Variants in TIAM1 observed in about 807,000 individuals in gnomAD.
TIAM1 encodes TIAM Rac1 associated GEF 1, also known as rho guanine nucleotide exchange factor TIAM1.
In TIAM1, 65 loss-of-function variants were observed where a neutral mutation model predicts 163.5. The ratio of observed to expected loss-of-function variants is 0.40; its 90% CI spans 0.33 to 0.49. TIAM1 has a LOEUF of 0.49. Ranked by LOEUF, TIAM1 falls within the 20% of genes least tolerant of loss-of-function variation. The probability of loss-of-function intolerance (pLI) is 0.77; values close to 1 mark genes in which losing one functional copy is unlikely to be tolerated. For missense variants in TIAM1, 1,789 were observed against 2,044.7 expected, an observed-to-expected ratio of 0.87 and a Z score of 2.41; for synonymous variants, 833 against 810.1, an observed-to-expected ratio of 1.03 and a Z score of -0.48.
chr21:31,147,348 T>C (rs767491341), intron 19 of TIAM1, among the ~76,000 whole-genome samples: 3 of 152,108 alleles, frequency 2.0e-5, no homozygotes, highest in Non-Finnish European at 4.4e-5. Flanking sequence ...AATTCTCTCA[T>C]TAGCTCCTGT....
At chr21:31,322,722 C>G (rs1422195606) in intron 2 of TIAM1, among the ~76,000 whole-genome samples, 1 of 152,246 alleles carries the variant, frequency 6.6e-6, no homozygotes, top group African/African-American at 2.4e-5. Context: ...CCCGAAACAG[C>G]TAACCCACAG....
At chr21:31,426,060 G>A (rs996449733) in intron 2 of TIAM1, among the ~76,000 whole-genome samples, 4 of 151,922 alleles carry the variant, frequency 2.6e-5, no homozygotes, top group East Asian at 1.9e-4. Flanking sequence ...GGGATCAGGC[G>A]GTTTTTGGTT....
Position 31,197,539 on chromosome 21 carries a change from C to CTTTTTTTTT in TIAM1, c.2494-2243_2494-2235dup, listed in dbSNP as rs58141765. Among the ~76,000 whole-genome samples the CTTTTTTTTT allele has an allele frequency of 5.1e-4, 63 of 123,238 alleles. 1 individual carries two copies. Among genetic ancestry groups the CTTTTTTTTT allele is most frequent in the Middle Eastern group, 4.2e-3 (1 of 240 alleles). The allele number at this position is 123,238 out of a possible 152,430, so 80.8% of individuals were successfully genotyped here. A position where few individuals can be genotyped will look rare whatever the true frequency, so the allele number is the denominator to read the frequency against. The stretch of plus-strand genomic sequence containing the variant: ...TACAGGCGCCCGCCACCGCGCCCGG[C>CTTTTTTTTT]TTTTTTTTTTTTTTTGTATTTTTAG... On this transcript the variant is annotated intron_variant, in intron 12 of 27. Coordinates refer to ENST00000541036, the MANE Select transcript of TIAM1 (RefSeq NM_001353694.2).
chr21:31,327,110 A>C (rs780755726), intron 2 of TIAM1, among the ~76,000 whole-genome samples: 2 of 152,214 alleles, frequency 1.3e-5, no homozygotes, highest in Non-Finnish European at 2.9e-5. Context: ...TGAGCCAAAA[A>C]GGGAAGTGAT....
chr21:31,307,790 T>A (rs1324042135), intron 2 of TIAM1, among the ~76,000 whole-genome samples: 1 of 152,234 alleles, frequency 6.6e-6, no homozygotes, highest in African/African-American at 2.4e-5. Context: ...ACAGGCTCCA[T>A]CCTGTTCAGG....
At chr21:31,329,461 G>T (rs28432335) in intron 2 of TIAM1, among the ~76,000 whole-genome samples, 4 of 152,078 alleles carry the variant, frequency 2.6e-5, no homozygotes, top group African/African-American at 9.7e-5. Flanking sequence ...CAGGATTTGA[G>T]CATTTCTGGT....
chr21:31,374,349 G>A (rs2076650022), intron 2 of TIAM1, among the ~76,000 whole-genome samples: 1 of 152,144 alleles, frequency 6.6e-6, no homozygotes, highest in South Asian at 2.1e-4. Flanking sequence ...CCTTCCTGTA[G>A]CTTTGACAAT....
chr21:31,338,392 A>G (rs914940451), intron 2 of TIAM1, among the ~76,000 whole-genome samples: 2 of 152,130 alleles, frequency 1.3e-5, no homozygotes, highest in African/African-American at 4.8e-5. Context: ...AGGTTAAATA[A>G]TGCATCCCGA....
intron 1 of TIAM1, among the ~76,000 whole-genome samples, chr21:31,548,888 T>C (rs749353680): frequency 2.1e-4 from 32 of 152,200 alleles, no homozygotes; most frequent in African/African-American, 7.7e-4. Context: ...ACCCACTAGA[T>C]GCCACTAGAA....
Position 31,395,865 on chromosome 21 carries a change from G to GTT in TIAM1, c.-368-56444_-368-56443insAA. Among the ~76,000 whole-genome samples the GTT allele has an allele frequency of 6.6e-6, 1 of 152,156 alleles. No individual in the cohort carries two copies. Among genetic ancestry groups the GTT allele is most frequent in the Non-Finnish European group, 1.5e-5 (1 of 68,032 alleles). ...ATGCCTGAAACAGCAGGCCAGTAGGGAGGGCCTGAACAGAAAGAAAACAAG... is the reference window on the plus strand; with the variant it reads ...ATGCCTGAAACAGCAGGCCAGTAGGGTTAGGGCCTGAACAGAAAGAAAACAAG... On this transcript the variant is annotated intron_variant, in intron 2 of 28. Coordinates refer to the TIAM1 transcript ENST00000286827. The surrounding 1 kb of genome is among the most constrained non-coding windows in gnomAD (Gnocchi z 7.5).
At chr21:31,168,045 A>AGGAG (rs1173082795) in intron 15 of TIAM1, among the ~76,000 whole-genome samples, 1 of 152,072 alleles carries the variant, frequency 6.6e-6, no homozygotes, top group African/African-American at 2.4e-5. Context: ...ACTTTGGGGT[A>AGGAG]GGAGGGTGGA....
chr21:31,500,450 G>A (rs1193528755), intron 1 of TIAM1, among the ~76,000 whole-genome samples: 1 of 262 alleles, frequency 3.8e-3, no homozygotes, highest in African/African-American at 0.015. Flanking sequence ...CTGACATCAG[G>A]CCAGCACACA....
chr21:31,182,668 T>C, intron 14 of TIAM1, 23 bp from the exon 15 acceptor site: 1 of 1,600,806 alleles, frequency 6.2e-7, no homozygotes, highest in Non-Finnish European at 8.5e-7. Context: ...GATGGAAAAT[T>C]TTTAATTTCA....
intron 1 of TIAM1, among the ~76,000 whole-genome samples, chr21:31,517,429 ATACTAT>A (rs1387107359): frequency 1.3e-5 from 2 of 152,202 alleles, no homozygotes; most frequent in Admixed American, 1.3e-4. Flanking sequence ...TTAATGGATG[ATACTAT>A]TACTATGATT....
intron 1 of TIAM1, among the ~76,000 whole-genome samples, chr21:31,554,380 C>T (rs945449998): frequency 5.3e-5 from 8 of 152,224 alleles, no homozygotes; most frequent in Admixed American, 5.2e-4. Context: ...TTTCTTAAAA[C>T]CAAAGACACT....
At chr21:31,461,848 G>T (rs973905525) in intron 2 of TIAM1, among the ~76,000 whole-genome samples, 1 of 152,004 alleles carries the variant, frequency 6.6e-6, no homozygotes, top group Non-Finnish European at 1.5e-5. Context: ...CTATATTTTT[G>T]TAGAGACGGG....
chr21:31,267,042 T>C, intron 3 of TIAM1, 59 bp from the exon 4 acceptor site: 3 of 1,513,152 alleles, frequency 2.0e-6, no homozygotes, highest in East Asian at 2.3e-5. Context: ...GGTATAGGCA[T>C]CTTAGAGAAA....
intron 10 of TIAM1, 66 bp downstream of exon 10, chr21:31,213,332 C>A: frequency 7.2e-7 from 1 of 1,384,942 alleles, no homozygotes; most frequent in Non-Finnish European, 1.0e-6. Flanking sequence ...CAAGACAACA[C>A]TGCACCATGT....
At chr21:31,164,649 C>G (rs766642377) in intron 16 of TIAM1, among the ~76,000 whole-genome samples, 1 of 152,124 alleles carries the variant, frequency 6.6e-6, no homozygotes, top group Non-Finnish European at 1.5e-5. Flanking sequence ...GCTGTTTCAT[C>G]CTACACAAAT....
Sources: allele counts gnomAD v4.1 joint callset (sites outside exome capture counted in the v4.1 genomes callset), GRCh38; gene constraint gnomAD v4.1.1; non-coding constraint Gnocchi (gnomAD v3.1); transcripts MANE v1.5; gene names NCBI Gene and HGNC (gene_info 2026-07-23, HGNC 2026-07-21).